NCKAP5: variants seen among roughly 807,000 people sequenced by gnomAD.
The protein encoded by NCKAP5 is NCK associated protein 5, also known as nck-associated protein 5.
NCKAP5 carries 92 observed loss-of-function variants against 167.0 expected under a neutral mutation model. That is an observed-to-expected ratio of 0.55 (90% CI 0.47 to 0.66). The LOEUF (loss-of-function observed/expected upper bound fraction) is 0.66. Ranked by LOEUF, NCKAP5 falls within the 30% of genes least tolerant of loss-of-function variation. The pLI, the probability that NCKAP5 is intolerant of heterozygous loss-of-function variation, is 0.00. For synonymous variants in NCKAP5, 891 were observed against 877.4 expected (o/e 1.02, Z -0.27); for missense variants, 2,378 against 2,315.0 (o/e 1.03, Z -0.56).
chr2:133,372,807 C>T (rs1474027400), intron 3 of NCKAP5, among the ~76,000 whole-genome samples: 1 of 152,076 alleles, frequency 6.6e-6, no homozygotes, highest in Non-Finnish European at 1.5e-5. Context: ...CTTTTCAAAC[C>T]TACTGCAGTC....
At chr2:133,009,931 C>A (rs967621900) in intron 6 of NCKAP5, among the ~76,000 whole-genome samples, 1 of 151,768 alleles carries the variant, frequency 6.6e-6, no homozygotes, top group Non-Finnish European at 1.5e-5. Context: ...ATTAGCAGGG[C>A]GTGGTGGCGG....
At chr2:132,920,143 T>G (rs1695199179) in intron 8 of NCKAP5, among the ~76,000 whole-genome samples, 1 of 151,646 alleles carries the variant, frequency 6.6e-6, no homozygotes, top group Admixed American at 6.6e-5. Context: ...TCATGATTTT[T>G]TTTCTTTTAA....
rs542383171 is a variant in NCKAP5, at chr2:133,527,073, T to C, written c.-61-9486A>G. 3.5e-4 allele frequency: 54 copies of C among 152,252 alleles called. 1 individual carries two copies. The highest frequency in any genetic ancestry group is 1.3e-3 in the African/African-American group (53 of 41,522). 9.4% of individuals were successfully genotyped at this position (152,252 alleles called of 1,614,324 possible). A position where few individuals can be genotyped will look rare whatever the true frequency, so the allele number is the denominator to read the frequency against. ...CATTCTGTTCAAGCTTACTTTTTTT[T>C]TTTCTTTGAGCAGGCTGTGGAGAGC... is the stretch of plus-strand genomic sequence containing the variant. On this transcript the variant is annotated intron_variant, in intron 2 of 19. Coordinates refer to ENST00000409261, the MANE Select transcript of NCKAP5 (RefSeq NM_207363.3).
At chr2:133,420,535 G>A (rs141735960) in intron 3 of NCKAP5, among the ~76,000 whole-genome samples, 1 of 152,194 alleles carries the variant, frequency 6.6e-6, no homozygotes, top group Non-Finnish European at 1.5e-5. Context: ...GGATTGTGGT[G>A]ATGGGTGCAC....
At chr2:132,891,508 C>A (rs541206786) in intron 8 of NCKAP5, among the ~76,000 whole-genome samples, 1 of 152,286 alleles carries the variant, frequency 6.6e-6, no homozygotes, top group East Asian at 1.9e-4. Flanking sequence ...TATACTTTTC[C>A]TTCTCTTGTT....
chr2:132,812,705 C>CTT (rs1355646596), intron 11 of NCKAP5, among the ~76,000 whole-genome samples: 2 of 152,164 alleles, frequency 1.3e-5, no homozygotes, highest in African/African-American at 4.8e-5. Flanking sequence ...GGGGGGCTGT[C>CTT]TTAGTCTTTT....
chr2:133,164,605 T>C (rs1231656277), intron 5 of NCKAP5, among the ~76,000 whole-genome samples: 1 of 152,214 alleles, frequency 6.6e-6, no homozygotes, highest in African/African-American at 2.4e-5. Context: ...CTGCTCTGCA[T>C]CTTGTCTTTC....
rs1034953603 is a variant in NCKAP5 at position 133,544,302 on chromosome 2, C to A, written c.-62+14748G>T. ...ACAAATATACACGTGTATACACAAA[C>A]ACACACAATATATCATTCTTTTTAA... On this transcript the variant is annotated intron_variant, in intron 2 of 19. Coordinates refer to ENST00000409261, the MANE Select transcript of NCKAP5 (RefSeq NM_207363.3). Among the ~76,000 whole-genome samples the A allele has an allele frequency of 5.9e-5, 9 of 152,120 alleles. No individual in the cohort carries two copies. In the East Asian group the frequency reaches 1.7e-3, roughly 29 times the overall value.
chr2:132,678,810 T>C (rs1054926055), intron 19 of NCKAP5, among the ~76,000 whole-genome samples: 1 of 152,182 alleles, frequency 6.6e-6, no homozygotes, highest in Non-Finnish European at 1.5e-5. Context: ...GGGATCTTAA[T>C]CACTGTGTAT....
chr2:132,697,632 G>A (rs1687471977), intron 19 of NCKAP5, among the ~76,000 whole-genome samples: 1 of 151,666 alleles, frequency 6.6e-6, no homozygotes, highest in Admixed American at 6.6e-5. Flanking sequence ...ATGTCCTGAA[G>A]GAAGCTAAGT....
chr2:133,280,539 G>A (rs1298841163), intron 4 of NCKAP5, among the ~76,000 whole-genome samples: 1 of 152,060 alleles, frequency 6.6e-6, no homozygotes, highest in East Asian at 1.9e-4. Flanking sequence ...CCTGAGTAGG[G>A]AGGTCCCGGG....
rs751025050 is a variant in NCKAP5, at chr2:133,518,344, A to ATTTTTTTTTT, written c.-61-767_-61-758dup. Among the ~76,000 whole-genome samples, 50 of 74,636 alleles carry ATTTTTTTTTT rather than the reference A, an allele frequency of 6.7e-4. 8 individuals carry two copies. Among genetic ancestry groups the ATTTTTTTTTT allele is most frequent in the Non-Finnish European group, 1.1e-3 (45 of 41,142 alleles). 49.0% of individuals were successfully genotyped at this position (74,636 alleles called of 152,430 possible). A position where few individuals can be genotyped will look rare whatever the true frequency, so the allele number is the denominator to read the frequency against. On this transcript the variant is annotated intron_variant, in intron 2 of 19. Transcript: ENST00000409261. ...TAAAAGAAATGGGTTACAGTAAAGGATTTTTTTTTTTTTTTTTTTTTTTTT... is the reference window on the plus strand; with the variant it reads ...TAAAAGAAATGGGTTACAGTAAAGGATTTTTTTTTTTTTTTTTTTTTTTTTTTTTTTTTTT...
intron 6 of NCKAP5, among the ~76,000 whole-genome samples, chr2:133,042,167 T>C (rs2079238596): frequency 6.6e-6 from 1 of 152,160 alleles, no homozygotes. Context: ...ATCATACAAC[T>C]TAACTTTATG....
intron 7 of NCKAP5, among the ~76,000 whole-genome samples, chr2:132,967,381 T>C (rs1053701586): frequency 1.3e-5 from 2 of 152,204 alleles, no homozygotes; most frequent in African/African-American, 2.4e-5. Context: ...CATGATTCTA[T>C]GGAAACTGAA....
intron 11 of NCKAP5, among the ~76,000 whole-genome samples, chr2:132,833,787 TA>T (rs1687688702): frequency 1.3e-5 from 2 of 152,170 alleles, no homozygotes; most frequent in African/African-American, 4.8e-5. Flanking sequence ...TGAAGTCAGG[TA>T]ATGTGATGCT....
chr2:133,151,804 C>T (rs955234549), intron 5 of NCKAP5, among the ~76,000 whole-genome samples: 8 of 152,016 alleles, frequency 5.3e-5, no homozygotes, highest in African/African-American at 1.9e-4. Context: ...TACATCCACA[C>T]AAAAAAAATG....
At chr2:133,665,834 T>TA in the NCKAP5 span, among the ~76,000 whole-genome samples, 1 of 152,244 alleles carries the variant, frequency 6.6e-6, no homozygotes, top group Admixed American at 6.5e-5. Context: ...AAAATCACTA[T>TA]GTTAAATGGT....
chr2:132,796,526 A>G (rs769120870), intron 12 of NCKAP5, 102 bp downstream of exon 12: 12 of 674,402 alleles, frequency 1.8e-5, no homozygotes, highest in Admixed American at 7.7e-5. Context: ...TCTGCCTGAC[A>G]ATGCTTCAAG....
intron 2 of NCKAP5, among the ~76,000 whole-genome samples, chr2:133,543,058 C>T (rs1686357934): frequency 6.6e-6 from 1 of 152,044 alleles, no homozygotes; most frequent in East Asian, 1.9e-4. Context: ...ATGTGACCTC[C>T]AATGTTGGAG....
Sources: allele counts gnomAD v4.1 joint callset (sites outside exome capture counted in the v4.1 genomes callset), GRCh38; gene constraint gnomAD v4.1.1; transcripts MANE v1.5; gene names NCBI Gene and HGNC (gene_info 2026-07-23, HGNC 2026-07-21).